FSTL5: variants seen among roughly 807,000 people sequenced by gnomAD.
The protein encoded by FSTL5 is follistatin-related protein 5.
FSTL5 carries 62 observed loss-of-function variants against 89.1 expected under a neutral mutation model. The observed-to-expected ratio is 0.70, with a 90% confidence interval of 0.57 to 0.86. The LOEUF (loss-of-function observed/expected upper bound fraction) is 0.86, where lower values mean the gene tolerates loss of function less well. Ranked by LOEUF, FSTL5 falls within the 40% of genes least tolerant of loss-of-function variation. The pLI is 0.00. For missense variants in FSTL5, 1,057 were observed against 1,001.6 expected (o/e 1.06, Z -0.75); for synonymous variants, 383 against 346.2 (o/e 1.11, Z -1.18).
At chr4:161,475,794 G>A (rs1370480300) in intron 13 of FSTL5, among the ~76,000 whole-genome samples, 2 of 151,928 alleles carry the variant, frequency 1.3e-5, no homozygotes, top group East Asian at 1.9e-4. Flanking sequence ...CTGTTGCCCA[G>A]GCTGGAGTGC....
Position 161,870,357 on chromosome 4 carries a change from C to T in FSTL5, c.409+50047G>A, listed in dbSNP as rs548864824. 2.0e-3 allele frequency among the ~76,000 whole-genome samples: 300 copies of T among 151,390 alleles called. 1 individual carries two copies. Among genetic ancestry groups the T allele is most frequent in the African/African-American group, 6.4e-3 (267 of 41,406 alleles). On this transcript the variant is annotated intron_variant, in intron 4 of 15. Transcript: ENST00000306100. The stretch of plus-strand genomic sequence containing the variant: ...TTGTTCAATCATACACACACACACA[C>T]GTACACACACACACAAAGAGAGAGC...
rs1166127621 is a variant in FSTL5, at chr4:161,779,780, T to C, written c.410-3706A>G. Among the ~76,000 whole-genome samples, 7 of 42,786 alleles carry C rather than the reference T, an allele frequency of 1.6e-4. 1 individual carries two copies. The highest frequency in any genetic ancestry group is 6.0e-4 in the Admixed American group (2 of 3,306). The allele number at this position is 42,786 out of a possible 152,430, so 28.1% of individuals were successfully genotyped here. On this transcript the variant is annotated intron_variant, in intron 4 of 15. Transcript: ENST00000306100. ...AAAGTTATATATATATATATGTATA[T>C]ATATATATATATATATATATATATA... is the stretch of plus-strand genomic sequence containing the variant.
intron 13 of FSTL5, among the ~76,000 whole-genome samples, chr4:161,464,886 C>T (rs1028143421): frequency 6.6e-6 from 1 of 152,074 alleles, no homozygotes. Flanking sequence ...CAGGCTTATA[C>T]AACCTGGCTC....
chr4:161,474,046 T>C (rs1221415146), intron 13 of FSTL5, among the ~76,000 whole-genome samples: 3 of 152,200 alleles, frequency 2.0e-5, no homozygotes, highest in African/African-American at 7.2e-5. Context: ...TGCATTATTG[T>C]CTTCATTCAT....
At chr4:161,875,477 T>C (rs1427107184) in intron 4 of FSTL5, among the ~76,000 whole-genome samples, 4 of 152,158 alleles carry the variant, frequency 2.6e-5, no homozygotes, top group Non-Finnish European at 5.9e-5. Context: ...ATCAGACTGA[T>C]GGCAGACTAC....
intron 7 of FSTL5, among the ~76,000 whole-genome samples, chr4:161,613,599 A>C (rs932626729): frequency 6.6e-6 from 1 of 152,128 alleles, no homozygotes; most frequent in Non-Finnish European, 1.5e-5. Context: ...CGAAGAAAAA[A>C]ATCTCCAATG....
chr4:161,520,648 C>T (rs1367788548), intron 10 of FSTL5, among the ~76,000 whole-genome samples: 2 of 151,960 alleles, frequency 1.3e-5, no homozygotes, highest in Non-Finnish European at 2.9e-5. Flanking sequence ...AAAAACTAAC[C>T]CTAGAACTGA....
intron 3 of FSTL5, among the ~76,000 whole-genome samples, chr4:162,001,306 G>GTCTATCTATCCTCCTATCTATCTA (rs1736455792): frequency 6.6e-6 from 1 of 151,454 alleles, no homozygotes; most frequent in Non-Finnish European, 1.5e-5. Flanking sequence ...ATATCTATCT[G>GTCTATCTATCCTCCTATCTATCTA]TCTATCTATC....
At chr4:162,107,712 TA>T (rs1299401839) in intron 2 of FSTL5, among the ~76,000 whole-genome samples, 1 of 152,106 alleles carries the variant, frequency 6.6e-6, no homozygotes, top group Admixed American at 6.6e-5. Context: ...TGAAAGAACA[TA>T]AGATATTTCT....
intron 2 of FSTL5, among the ~76,000 whole-genome samples, chr4:162,103,030 A>T (rs919027151): frequency 5.3e-5 from 8 of 152,110 alleles, no homozygotes; most frequent in African/African-American, 1.9e-4. Flanking sequence ...TAAAAGAGCA[A>T]CTGTTTTTGC....
At chr4:161,386,503 A>C (rs1488006237) in intron 15 of FSTL5, 54 bp from the exon 16 acceptor site, 8 of 1,326,246 alleles carry the variant, frequency 6.0e-6, no homozygotes, top group Non-Finnish European at 8.3e-6. Context: ...TTTTAGCCGT[A>C]AGAAAAAAAC....
At chr4:161,617,308 A>G (rs923230807) in intron 7 of FSTL5, among the ~76,000 whole-genome samples, 6 of 152,166 alleles carry the variant, frequency 3.9e-5, no homozygotes, top group East Asian at 1.9e-4. Context: ...CAAGGTAGAC[A>G]AATAGAAATT....
At chr4:162,131,818 G>C (rs1732311917) in intron 1 of FSTL5, among the ~76,000 whole-genome samples, 1 of 152,186 alleles carries the variant, frequency 6.6e-6, no homozygotes, top group Admixed American at 6.5e-5. Context: ...CGCAGTCATA[G>C]ACCAGCAGAC....
chr4:161,544,508 G>T (rs1731943318), intron 8 of FSTL5, among the ~76,000 whole-genome samples: 2 of 151,946 alleles, frequency 1.3e-5, no homozygotes, highest in African/African-American at 4.8e-5. Context: ...ACTGCTTAAT[G>T]GATATGAGGT....
At chr4:161,487,391 T>A (rs1729715489) in intron 12 of FSTL5, among the ~76,000 whole-genome samples, 2 of 152,182 alleles carry the variant, frequency 1.3e-5, no homozygotes, top group Admixed American at 6.5e-5. Flanking sequence ...CCAGTTGGCA[T>A]ACAATTTGCT....
intron 6 of FSTL5, among the ~76,000 whole-genome samples, chr4:161,750,356 T>A (rs920004502): frequency 6.6e-6 from 1 of 152,100 alleles, no homozygotes; most frequent in Non-Finnish European, 1.5e-5. Flanking sequence ...ACTGTAATAA[T>A]GTAAAATATA....
intron 6 of FSTL5, among the ~76,000 whole-genome samples, chr4:161,746,128 TG>T (rs1399895453): frequency 6.6e-6 from 1 of 151,912 alleles, no homozygotes; most frequent in African/African-American, 2.4e-5. Context: ...ATAAAATTTC[TG>T]GAGATAGTGT....
chr4:161,656,748 A>G (rs1299858409), intron 6 of FSTL5, among the ~76,000 whole-genome samples: 9 of 152,184 alleles, frequency 5.9e-5, no homozygotes, highest in Non-Finnish European at 1.0e-4. Flanking sequence ...GAGTTATAAT[A>G]AGCCTGGCAG....
At chr4:161,604,254 C>T (rs1054585328) in intron 7 of FSTL5, among the ~76,000 whole-genome samples, 8 of 151,930 alleles carry the variant, frequency 5.3e-5, no homozygotes, top group African/African-American at 1.7e-4. Context: ...TATGCAAAAA[C>T]CTACTCTTAG....
Sources: allele counts gnomAD v4.1 joint callset (sites outside exome capture counted in the v4.1 genomes callset), GRCh38; gene constraint gnomAD v4.1.1; transcripts MANE v1.5; gene names NCBI Gene and HGNC (gene_info 2026-07-23, HGNC 2026-07-21).